The following CEACAM19 variants were observed in gnomAD, a reference collection of about 807,000 sequenced individuals.
CEACAM19 encodes the protein cell adhesion molecule CEACAM19.
CEACAM19 carries 37 observed loss-of-function variants against 37.6 expected under a neutral mutation model. The observed-to-expected ratio is 0.98, with a 90% CI of 0.76 to 1.29. The LOEUF is 1.29. Ranked by LOEUF, CEACAM19 falls within the 50% of genes most tolerant of loss-of-function variation. CEACAM19 has a pLI of 0.00. For missense variants in CEACAM19, 340 were observed against 375.6 expected (o/e 0.91, Z 0.78); for synonymous variants, 140 against 149.8 (o/e 0.93, Z 0.48).
chr19:44,668,250 ATATAT>A (rs1973776976), upstream of CEACAM19, among the ~76,000 whole-genome samples: 2 of 81,986 alleles, frequency 2.4e-5, no homozygotes, highest in Non-Finnish European at 4.0e-5. Flanking sequence ...TAATATGTTT[ATATAT>A]TATTATATTT....
intron 3 of CEACAM19, 114 bp from the exon 4 acceptor site, chr19:44,678,739 C>A: frequency 6.9e-7 from 1 of 1,447,938 alleles, no homozygotes; most frequent in Non-Finnish European, 9.3e-7. Flanking sequence ...ACCGCACACA[C>A]ACCTTCCACC....
upstream of CEACAM19, among the ~76,000 whole-genome samples, chr19:44,667,813 T>A (rs1277760853): frequency 4.1e-5 from 3 of 72,722 alleles, no homozygotes; most frequent in African/African-American, 5.8e-5. Context: ...AATTTATATA[T>A]TATATATAAA....
At position 44,683,470 on chromosome 19, in the gene CEACAM19, C is replaced by T; in HGVS notation, c.880C>T (p.Gln294Ter). 6.4e-7 allele frequency: 1 copy of T among 1,565,218 alleles called. No homozygotes were observed. The highest frequency in any genetic ancestry group is 2.4e-5 in the East Asian group (1 of 42,184). ...LLNPDPAPYC[Q>*]LVPTS is the part of the protein sequence containing the mutation. ...AAACCCCGACCCTGCCCCCTACTGC[C>T]AGCTGGTGCCAACTTCCTGATGGGT... The change falls in exon 8 of 8, where the codon CAG becomes TAG. Residue 294 changes from glutamine to a stop codon, truncating the protein, a stop_gained. Transcript: ENST00000358777. LOFTEE classifies it high-confidence loss of function.
intron 5 of CEACAM19, among the ~76,000 whole-genome samples, chr19:44,680,613 C>G (rs112310225): frequency 0.022 from 3,303 of 152,152 alleles, 49 homozygotes; most frequent in African/African-American, 0.031. Flanking sequence ...CTCCTAGACC[C>G]CCCACACCCA....
At chr19:44,668,228 A>G (rs1354697535), upstream of CEACAM19, among the ~76,000 whole-genome samples, 4 of 86,414 alleles carry the variant, frequency 4.6e-5, no homozygotes, top group Non-Finnish European at 5.9e-5. Flanking sequence ...ATATTTATAT[A>G]TTATATTTAT....
chr19:44,672,607 G>A lies in CEACAM19; in HGVS notation c.67G>A (p.Val23Ile), dbSNP rs776894591. The change falls in exon 2 of 8, where the codon GTC becomes ATC. Residue 23 changes from valine to isoleucine, a missense_variant. Coordinates refer to ENST00000358777, the MANE Select transcript of CEACAM19 (RefSeq NM_001127893.3). Reference protein sequence around the residue: ...KSLLLSASILVLWMLQGSQAA... With the variant: ...KSLLLSASILILWMLQGSQAA... ...GTAACTTCCCACAGCCTCAATCCTG[G>A]TCCTCTGGATGCTCCAAGGCTCCCA... is the stretch of plus-strand genomic sequence containing the variant. 1 of 1,467,276 alleles carries A rather than the reference G, an allele frequency of 6.8e-7. No individual in the cohort carries two copies. Among genetic ancestry groups the A allele is most frequent in the Non-Finnish European group, 9.0e-7 (1 of 1,108,108 alleles). 90.9% of individuals were successfully genotyped at this position (1,467,276 alleles called of 1,614,324 possible). A position where few individuals can be genotyped will look rare whatever the true frequency, so the allele number is the denominator to read the frequency against.
intron 7 of CEACAM19, 138 bp from the exon 8 acceptor site, chr19:44,683,299 C>A: frequency 2.0e-6 from 1 of 509,302 alleles, no homozygotes; most frequent in South Asian, 3.3e-5. Flanking sequence ...ATCTCACTCT[C>A]TTTCCACCTT....
At chr19:44,667,832 T>TTATATATAATATATAAAATATATATAAA (rs1973757208), upstream of CEACAM19, among the ~76,000 whole-genome samples, 1 of 73,930 alleles carries the variant, frequency 1.4e-5, no homozygotes, top group Non-Finnish European at 2.3e-5. Context: ...AATTATATAT[T>TTATATATAATATATAAAATATATATAAA]TTATATATAA....
chr19:44,669,068 C>T (rs1231543554), upstream of CEACAM19, among the ~76,000 whole-genome samples: 1 of 151,528 alleles, frequency 6.6e-6, no homozygotes, highest in East Asian at 1.9e-4. Flanking sequence ...GATCTGCCTG[C>T]CTCTGCCTCC....
At chr19:44,680,259 T>G in intron 4 of CEACAM19, 29 bp from the exon 5 acceptor site, 2 of 1,594,642 alleles carry the variant, frequency 1.3e-6, no homozygotes, top group Non-Finnish European at 1.7e-6. Flanking sequence ...CTCTCTATCC[T>G]AATATCAATT....
Position 44,682,579 on chromosome 19 carries a change from C to G in CEACAM19, c.805C>G (p.Pro269Ala), listed in dbSNP as rs112109648. The change falls in exon 7 of 8, where the codon CCC (proline) becomes GCC (alanine). Residue 269 changes from proline (P) to alanine (A), a missense_variant. Coordinates refer to ENST00000358777, the MANE Select transcript of CEACAM19 (RefSeq NM_001127893.3). ...CCTTCCCTTGCAGCCCCTGCCCACA[C>G]CCCCACACCTGCAGGCGGAGCCAGA... ...SINPARPLPT[P>A]PHLQAEPENH... 115 of 1,603,178 alleles carry G rather than the reference C, an allele frequency of 7.2e-5. No homozygotes were observed. Among genetic ancestry groups the G allele is most frequent in the Non-Finnish European group, 8.7e-5 (102 of 1,175,172 alleles).
chr19:44,680,011 G>A (rs550891038), intron 4 of CEACAM19, among the ~76,000 whole-genome samples: 7 of 152,294 alleles, frequency 4.6e-5, no homozygotes, highest in Non-Finnish European at 5.9e-5. Flanking sequence ...CATAAGACAG[G>A]TGGATGAAGC....
At position 44,683,055 on chromosome 19, in the gene CEACAM19, ACTCTCTCT is replaced by A. The variant is rs3028346; in HGVS notation, c.847-360_847-353del. On this transcript the variant is annotated intron_variant, in intron 7 of 7. Coordinates refer to ENST00000358777, the MANE Select transcript of CEACAM19 (RefSeq NM_001127893.3). ...GTATGTCTGTCTTCCCCTTTCTTGG[ACTCTCTCT>A]CTCTCTCTCTCTCTCTCTCTCAGTT... 151 of 150,932 alleles carry A rather than the reference ACTCTCTCT, an allele frequency of 1.0e-3. 1 individual carries two copies. Among genetic ancestry groups the A allele is most frequent in the Middle Eastern group, 5.0e-3 (2 of 402 alleles). 9.3% of individuals were successfully genotyped at this position (150,932 alleles called of 1,614,324 possible). A position where few individuals can be genotyped will look rare whatever the true frequency, so the allele number is the denominator to read the frequency against.
intron 5 of CEACAM19, 25 bp from the exon 6 acceptor site, chr19:44,681,202 G>T (rs1321239240): frequency 6.3e-7 from 1 of 1,578,074 alleles, no homozygotes; most frequent in Admixed American, 1.7e-5. Flanking sequence ...GTGTCAGCTG[G>T]TACCTCCCCT....
intron 7 of CEACAM19, chr19:44,683,069 TCTC>T: frequency 4.0e-6 from 1 of 251,710 alleles, no homozygotes; most frequent in South Asian, 1.1e-4. Flanking sequence ...TCTCTCTCTC[TCTC>T]TCTCTCTCTC....
At position 44,683,676 on chromosome 19, in the gene CEACAM19, A is replaced by G. The variant is rs968158643; in HGVS notation, c.*186A>G. On this transcript the variant is annotated 3_prime_UTR_variant, in exon 8 of 8. Transcript: ENST00000358777. ...GGGGACAGGAGACTGTAACAGGCCC[A>G]GGTCCTTGTGCAGCCCGTGAATGCA... 1 of 435,488 alleles carries G rather than the reference A, an allele frequency of 2.3e-6. No individual in the cohort carries two copies. Among genetic ancestry groups the G allele is most frequent in the Admixed American group, 4.1e-5 (1 of 24,684 alleles). 27.0% of individuals were successfully genotyped at this position (435,488 alleles called of 1,614,324 possible). A position where few individuals can be genotyped will look rare whatever the true frequency, so the allele number is the denominator to read the frequency against.
rs1442808417 is a variant in CEACAM19 at position 44,683,421 on chromosome 19, T to C, written c.847-16T>C. 5 of 1,469,782 alleles carry C rather than the reference T, an allele frequency of 3.4e-6. No homozygotes were observed. The East Asian group carries it at 1.2e-4, about 36-fold the overall frequency. 91.0% of individuals were successfully genotyped at this position (1,469,782 alleles called of 1,614,324 possible). On this transcript the variant is annotated splice_polypyrimidine_tract_variant and intron_variant, in intron 7 of 7. Coordinates refer to ENST00000358777, the MANE Select transcript of CEACAM19 (RefSeq NM_001127893.3). ...TCCACCCAGTCATAATTCTGTTCTC[T>C]CTTCCCCCCAAGCAGGACCTGCTAA...
Position 44,682,585 on chromosome 19 carries a change from C to T in CEACAM19, c.811C>T (p.His271Tyr). The change falls in exon 7 of 8, where the codon CAC becomes TAC. Residue 271 changes from histidine to tyrosine, a missense_variant. By Grantham distance (83) the His-to-Tyr change is moderately conservative. Transcript: ENST00000358777. ...CTTGCAGCCCCTGCCCACACCCCCA[C>T]ACCTGCAGGCGGAGCCAGAGAACCA... The part of the protein sequence containing the change: ...NPARPLPTPP[H>Y]LQAEPENHQY... 6.2e-7 allele frequency: 1 copy of T among 1,604,376 alleles called. No individual in the cohort carries two copies. The highest frequency in any genetic ancestry group is 8.5e-7 in the Non-Finnish European group (1 of 1,175,684).
At chr19:44,667,710 AAT>A (rs1208494599), upstream of CEACAM19, among the ~76,000 whole-genome samples, 12 of 77,800 alleles carry the variant, frequency 1.5e-4, no homozygotes, top group African/African-American at 4.0e-4. Flanking sequence ...ATATTATATA[AAT>A]ATATATAAAT....
Sources: allele counts gnomAD v4.1 joint callset (sites outside exome capture counted in the v4.1 genomes callset), GRCh38; gene constraint gnomAD v4.1.1; transcripts MANE v1.5; gene names NCBI Gene and HGNC (gene_info 2026-07-23, HGNC 2026-07-21).